The following BDKRB2 variants were observed in gnomAD, a reference collection of about 807,000 sequenced individuals.
BDKRB2 encodes the protein bradykinin receptor B2.
In BDKRB2, 6 loss-of-function variants were observed where a neutral mutation model predicts 4.0. The observed-to-expected ratio is 1.49, with a 90% CI of 0.81 to 2.93. BDKRB2 has a LOEUF of 2.93. BDKRB2 is among the 30% of genes most tolerant of loss of function. BDKRB2 has a pLI of 0.00. For missense variants in BDKRB2, 478 were observed against 520.1 expected, an observed-to-expected ratio of 0.92 and a Z score of 0.79; for synonymous variants, 225 against 215.3, an observed-to-expected ratio of 1.05 and a Z score of -0.40.
At chr14:96,206,757 T>C (rs11160321) in intron 1 of BDKRB2, among the ~76,000 whole-genome samples, 133,336 of 151,972 alleles carry the variant, frequency 0.88, 58,616 homozygotes, top group Admixed American at 0.93. Context: ...CTGGGCGCGG[T>C]GGGGGGAGCC....
chr14:96,207,969 G>A (rs1890228780), intron 1 of BDKRB2, among the ~76,000 whole-genome samples: 1 of 152,158 alleles, frequency 6.6e-6, no homozygotes, highest in African/African-American at 2.4e-5. Flanking sequence ...TAGTGTGCAT[G>A]CCTCCAAGAA....
At chr14:96,206,902 G>T (rs573291442) in intron 1 of BDKRB2, among the ~76,000 whole-genome samples, 23 of 152,210 alleles carry the variant, frequency 1.5e-4, no homozygotes, top group Non-Finnish European at 3.2e-4. Context: ...GGCACTGGCA[G>T]ATTGGGTGTC....
intron 1 of BDKRB2, among the ~76,000 whole-genome samples, chr14:96,214,261 C>T (rs906519380): frequency 1.3e-4 from 20 of 152,214 alleles, no homozygotes; most frequent in African/African-American, 4.6e-4. Context: ...TCTGTTTGGA[C>T]TGTGGTGTCT....
At chr14:96,237,610 A>T in intron 2 of BDKRB2, 2 of 1,223,708 alleles carry the variant, frequency 1.6e-6, no homozygotes, top group Non-Finnish European at 2.1e-6. Context: ...GGGGAGGAGG[A>T]CCTGAGCCAG....
chr14:96,226,570 C>T (rs1159244353), intron 1 of BDKRB2, among the ~76,000 whole-genome samples: 4 of 152,128 alleles, frequency 2.6e-5, no homozygotes, highest in East Asian at 3.9e-4. Context: ...AGGAGAATTG[C>T]TTGAACCTGG....
chr14:96,226,813 G>A (rs919940549), intron 1 of BDKRB2, among the ~76,000 whole-genome samples: 1 of 152,162 alleles, frequency 6.6e-6, no homozygotes, highest in African/African-American at 2.4e-5. Context: ...ATTTCCAAGA[G>A]CCCTTCCCAC....
At chr14:96,216,779 G>A (rs535208635) in intron 1 of BDKRB2, among the ~76,000 whole-genome samples, 1 of 145,164 alleles carries the variant, frequency 6.9e-6, no homozygotes, top group East Asian at 2.1e-4. Context: ...AGGAGGAGGA[G>A]GAGGAGGAGG....
At position 96,240,436 on chromosome 14, in the gene BDKRB2, C is replaced by G; in HGVS notation, c.108C>G (p.Pro36=). ...ADMLNVTLQG[P]TLNGTFAQSK... ...TGCTCAATGTCACCTTGCAAGGGCC[C>G]ACTCTTAACGGGACCTTTGCCCAGA... The change falls in exon 3 of 3, where the codon CCC becomes CCG. Residue 36 remains proline (P), a synonymous_variant. Coordinates refer to ENST00000554311, the MANE Select transcript of BDKRB2 (RefSeq NM_001379692.1). The G allele has an allele frequency of 6.8e-7, 1 of 1,481,452 alleles. No individual in the cohort carries two copies. Among genetic ancestry groups the G allele is most frequent in the Non-Finnish European group, 9.0e-7 (1 of 1,115,974 alleles). The allele number at this position is 1,481,452 out of a possible 1,614,324, so 91.8% of individuals were successfully genotyped here. A position where few individuals can be genotyped will look rare whatever the true frequency, so the allele number is the denominator to read the frequency against.
intron 1 of BDKRB2, among the ~76,000 whole-genome samples, chr14:96,224,767 C>T (rs927836096): frequency 6.6e-6 from 1 of 152,200 alleles, no homozygotes; most frequent in Admixed American, 6.5e-5. Flanking sequence ...ATGCTTCTCT[C>T]CTGCTCCTTT....
intron 1 of BDKRB2, among the ~76,000 whole-genome samples, chr14:96,219,964 G>T (rs955250856): frequency 1.3e-5 from 2 of 152,030 alleles, no homozygotes; most frequent in African/African-American, 2.4e-5. Flanking sequence ...ACCAAGCCTA[G>T]AGCCAATTGC....
rs1425065664 is a variant in BDKRB2 at position 96,240,668 on chromosome 14, G to A, written c.340G>A (p.Ala114Thr). Residue 114 changes from alanine (A) to threonine (T), a missense_variant, in exon 3 of 3, where the codon GCC (alanine) becomes ACC (threonine). By Grantham distance (58) the Ala-to-Thr change is moderately conservative. Transcript: ENST00000554311. ...LILACGLPFW[A>T]ITISNNFDWL... Reference sequence around the variant, plus strand: ...CCTGGCCTGCGGGCTGCCCTTCTGGGCCATCACCATCTCCAACAACTTCGA... The same window carrying A: ...CCTGGCCTGCGGGCTGCCCTTCTGGACCATCACCATCTCCAACAACTTCGA... 6.3e-7 allele frequency: 1 copy of A among 1,585,688 alleles called. No individual in the cohort carries two copies. The highest frequency in any genetic ancestry group is 8.6e-7 in the Non-Finnish European group (1 of 1,168,238).
chr14:96,225,121 T>A (rs908258204), intron 1 of BDKRB2, among the ~76,000 whole-genome samples: 1 of 152,160 alleles, frequency 6.6e-6, no homozygotes, highest in Non-Finnish European at 1.5e-5. Flanking sequence ...AGTGTGCTGA[T>A]CCCATTGCCT....
intron 2 of BDKRB2, chr14:96,237,978 T>C (rs576676858): frequency 2.5e-6 from 3 of 1,185,078 alleles, no homozygotes; most frequent in Non-Finnish European, 3.2e-6. Flanking sequence ...ATGCAGGAAA[T>C]GGGTTTTCTG....
At chr14:96,207,844 C>T (rs566012251) in intron 1 of BDKRB2, among the ~76,000 whole-genome samples, 13 of 152,170 alleles carry the variant, frequency 8.5e-5, no homozygotes, top group African/African-American at 2.6e-4. Flanking sequence ...AGGACAATTA[C>T]GGTACCTCAG....
At chr14:96,221,225 C>G (rs1415509298) in intron 1 of BDKRB2, among the ~76,000 whole-genome samples, 8 of 152,144 alleles carry the variant, frequency 5.3e-5, no homozygotes. Flanking sequence ...GCTTGGCATT[C>G]ATAGTAAGCC....
At position 96,237,647 on chromosome 14, in the gene BDKRB2, GTTC is replaced by G. The variant is rs1890967608; in HGVS notation, c.74+469_74+471del. ...GTAGAAGCAGAGGATAGGGAGATCT[GTTC>G]TTGGGGACAGCATTTGCAAGAAACA... On this transcript the variant is annotated intron_variant, in intron 2 of 2. Transcript: ENST00000554311. 2.1e-5 allele frequency: 27 copies of G among 1,277,472 alleles called. 1 individual carries two copies. The South Asian group carries it at 3.2e-4, about 15-fold the overall frequency. 79.1% of individuals were successfully genotyped at this position (1,277,472 alleles called of 1,614,324 possible). A position where few individuals can be genotyped will look rare whatever the true frequency, so the allele number is the denominator to read the frequency against.
chr14:96,216,120 G>GTCAGAAT (rs1481884820), intron 1 of BDKRB2, among the ~76,000 whole-genome samples: 4 of 152,308 alleles, frequency 2.6e-5, no homozygotes, highest in African/African-American at 9.6e-5. Flanking sequence ...GCTCATGCAT[G>GTCAGAAT]TCAGAATCCT....
At chr14:96,218,759 A>G (rs532987615) in intron 1 of BDKRB2, among the ~76,000 whole-genome samples, 1 of 152,154 alleles carries the variant, frequency 6.6e-6, no homozygotes, top group East Asian at 1.9e-4. Flanking sequence ...CTCTACTAAA[A>G]ATACAAAATA....
At chr14:96,208,336 C>T (rs73357997) in intron 1 of BDKRB2, among the ~76,000 whole-genome samples, 12,641 of 152,178 alleles carry the variant, frequency 0.083, 605 homozygotes, top group East Asian at 0.11. Flanking sequence ...ATTCTGGAGG[C>T]TGGAAACATA....
Sources: allele counts gnomAD v4.1 joint callset (sites outside exome capture counted in the v4.1 genomes callset), GRCh38; gene constraint gnomAD v4.1.1; transcripts MANE v1.5; gene names NCBI Gene and HGNC (gene_info 2026-07-23, HGNC 2026-07-21).